DPP10: variants seen among roughly 807,000 people sequenced by gnomAD.
The protein encoded by DPP10 is inactive dipeptidyl peptidase 10.
Under a neutral mutation model 120.9 loss-of-function variants are expected in DPP10, and 33 were observed. The ratio of observed to expected loss-of-function variants is 0.27; its 90% CI spans 0.21 to 0.37. The LOEUF (loss-of-function observed/expected upper bound fraction) is 0.37. Among genes scored for constraint, DPP10 ranks in the 10% least tolerant of loss-of-function variants. The probability of loss-of-function intolerance (pLI) is 1.00; values close to 1 mark genes in which losing one functional copy is unlikely to be tolerated. For synonymous variants in DPP10, 337 were observed against 326.1 expected (o/e 1.03, Z -0.36); for missense variants, 816 against 942.8 (o/e 0.87, Z 1.76).
intron 1 of DPP10, among the ~76,000 whole-genome samples, chr2:114,965,128 T>C (rs552719413): frequency 6.6e-6 from 1 of 151,638 alleles, no homozygotes; most frequent in South Asian, 2.1e-4. Context: ...AGTTTGGGAC[T>C]TTCTTTCTTT....
intron 3 of DPP10, among the ~76,000 whole-genome samples, chr2:115,383,360 C>T (rs866352922): frequency 2.6e-5 from 4 of 152,192 alleles, no homozygotes. Flanking sequence ...CCATGTGAGA[C>T]ATGCCTTTCA....
chr2:114,646,102 G>A (rs1696103968), intron 1 of DPP10, among the ~76,000 whole-genome samples: 1 of 151,964 alleles, frequency 6.6e-6, no homozygotes, highest in South Asian at 2.1e-4. Flanking sequence ...GGAGGTTGCA[G>A]TGAGCTGAGA....
intron 1 of DPP10, among the ~76,000 whole-genome samples, chr2:114,496,148 G>A (rs942753763): frequency 1.3e-5 from 2 of 152,162 alleles, no homozygotes; most frequent in East Asian, 1.9e-4. Context: ...CACTTCTAAA[G>A]TGGTGGTGGG....
chr2:115,512,349 C>G (rs2148842475), intron 4 of DPP10, among the ~76,000 whole-genome samples: 1 of 152,178 alleles, frequency 6.6e-6, no homozygotes, highest in African/African-American at 2.4e-5. Context: ...ATCCTCCCAC[C>G]TAGGCCTCCC....
intron 1 of DPP10, among the ~76,000 whole-genome samples, chr2:114,835,950 C>G (rs537100252): frequency 6.6e-6 from 1 of 152,202 alleles, no homozygotes; most frequent in South Asian, 2.1e-4. Context: ...TAATAATAGC[C>G]TTATCTTCTT....
chr2:114,523,670 G>A (rs1343914227), intron 1 of DPP10, among the ~76,000 whole-genome samples: 1 of 152,244 alleles, frequency 6.6e-6, no homozygotes, highest in African/African-American at 2.4e-5. Flanking sequence ...AAATGTGCCA[G>A]TGAGCTTTGT....
At chr2:115,286,479 TA>T (rs2060378658) in intron 1 of DPP10, among the ~76,000 whole-genome samples, 1 of 57,594 alleles carries the variant, frequency 1.7e-5, no homozygotes, top group East Asian at 6.1e-4. Context: ...TATATATATG[TA>T]ATATATATAT....
chr2:114,529,787 C>T (rs942702213), intron 1 of DPP10, among the ~76,000 whole-genome samples: 13 of 152,128 alleles, frequency 8.5e-5, no homozygotes, highest in African/African-American at 2.9e-4. Context: ...TTTCATCACA[C>T]AGGTATTAAG....
At chr2:114,695,927 C>T (rs1448089190) in intron 1 of DPP10, among the ~76,000 whole-genome samples, 1 of 151,862 alleles carries the variant, frequency 6.6e-6, no homozygotes, top group Non-Finnish European at 1.5e-5. Context: ...TTAATATTAC[C>T]ATATTACAAT....
intron 1 of DPP10, among the ~76,000 whole-genome samples, chr2:114,887,815 T>C (rs1482675846): frequency 6.6e-6 from 1 of 152,206 alleles, no homozygotes; most frequent in Non-Finnish European, 1.5e-5. Flanking sequence ...TTGTCACTTA[T>C]ACCATATGAC....
chr2:115,447,005 A>C (rs2072661769), intron 3 of DPP10, among the ~76,000 whole-genome samples: 1 of 152,204 alleles, frequency 6.6e-6, no homozygotes, highest in South Asian at 2.1e-4. Flanking sequence ...TGTAATGTGC[A>C]CCTGGAAAAG....
chr2:115,768,726 A>G (rs1681095668), intron 13 of DPP10, among the ~76,000 whole-genome samples: 1 of 152,136 alleles, frequency 6.6e-6, no homozygotes, highest in Non-Finnish European at 1.5e-5. Context: ...TTTTTTATTC[A>G]ATGAACATAT....
chr2:115,233,703 T>G (rs2057854533), intron 1 of DPP10, among the ~76,000 whole-genome samples: 1 of 152,134 alleles, frequency 6.6e-6, no homozygotes, highest in South Asian at 2.1e-4. Context: ...GACAGCAGAG[T>G]CTGCCACAAT....
intron 1 of DPP10, among the ~76,000 whole-genome samples, chr2:114,760,958 G>A (rs1243510740): frequency 6.6e-6 from 1 of 152,052 alleles, no homozygotes; most frequent in African/African-American, 2.4e-5. Context: ...TAAAGTAAGG[G>A]AAATCAAAAA....
intron 1 of DPP10, among the ~76,000 whole-genome samples, chr2:114,913,466 G>A (rs867075816): frequency 6.6e-6 from 1 of 152,132 alleles, no homozygotes; most frequent in African/African-American, 2.4e-5. Flanking sequence ...CAGGGTTAGA[G>A]CACAAATCCT....
intron 19 of DPP10, among the ~76,000 whole-genome samples, chr2:115,805,427 TACCCACTGTCCTGC>T (rs1253552247): frequency 1.3e-5 from 2 of 151,980 alleles, no homozygotes; most frequent in African/African-American, 4.8e-5. Context: ...GGGTGCGCTG[TACCCACTGTCCTGC>T]ACCCACTGTC....
At chr2:114,470,918 G>A (rs1376400084) in intron 1 of DPP10, among the ~76,000 whole-genome samples, 1 of 152,168 alleles carries the variant, frequency 6.6e-6, no homozygotes. Flanking sequence ...GTGGAGTCTT[G>A]TTTTGAGGTA....
intron 1 of DPP10, among the ~76,000 whole-genome samples, chr2:115,022,413 T>A (rs1014962516): frequency 6.6e-6 from 1 of 151,906 alleles, no homozygotes; most frequent in Non-Finnish European, 1.5e-5. Context: ...CCTTTCACAA[T>A]AGCTGCAAAA....
intron 1 of DPP10, among the ~76,000 whole-genome samples, chr2:115,287,509 T>A (rs1260643892): frequency 6.6e-6 from 1 of 152,114 alleles, no homozygotes; most frequent in Non-Finnish European, 1.5e-5. Flanking sequence ...TGTGTACCCA[T>A]AGCTTAGCTC....
Sources: gnomAD v4.1 joint callset for allele counts (sites outside exome capture counted in the v4.1 genomes callset) on GRCh38, gnomAD v4.1.1 for gene constraint, MANE v1.5 for transcripts, NCBI Gene and HGNC (gene_info 2026-07-23, HGNC 2026-07-21) for gene names.